Variants in NCK1 observed in about 807,000 individuals in gnomAD.
The protein encoded by NCK1 is NCK adaptor protein 1, also known as SH2/SH3 adapter protein NCK1.
In NCK1, 19 loss-of-function variants were observed where a neutral mutation model predicts 36.6. The ratio of observed to expected loss-of-function variants is 0.52; its 90% CI spans 0.36 to 0.76. NCK1 has a LOEUF of 0.76. NCK1 is among the 30% of genes least tolerant of loss of function. NCK1 has a pLI of 0.00. For synonymous variants in NCK1, 165 were observed against 156.0 expected (o/e 1.06, Z -0.43); for missense variants, 358 against 445.6 (o/e 0.80, Z 1.77).
chr3:136,927,939 A>G lies in NCK1; in HGVS notation c.-18-45A>G, dbSNP rs1024314283. ...TCTCTTTTGAAAAGCATGTGAACTA[A>G]TACTACCTCAACCTTACATAAAAAT... On this transcript the variant is annotated intron_variant, in intron 1 of 3. Transcript: ENST00000481752. 265 of 1,338,962 alleles carry G rather than the reference A, an allele frequency of 2.0e-4. 1 individual carries two copies. The highest frequency in any genetic ancestry group is 1.8e-4 in the Middle Eastern group (1 of 5,416). The allele number at this position is 1,338,962 out of a possible 1,614,324, so 82.9% of individuals were successfully genotyped here.
At chr3:136,899,552 A>G (rs1250887146) in intron 1 of NCK1, 1 of 551,922 alleles carries the variant, frequency 1.8e-6, no homozygotes, top group Admixed American at 2.5e-5. Context: ...TGGTGTTATT[A>G]GCACTATTGC....
At chr3:136,867,316 G>A (rs1938480221) in intron 1 of NCK1, 2 of 150,274 alleles carry the variant, frequency 1.3e-5, no homozygotes, top group Admixed American at 6.7e-5. Context: ...TGTTGCTCAG[G>A]CTGGAGTACA....
chr3:136,918,524 G>A (rs551871808), intron 1 of NCK1, among the ~76,000 whole-genome samples: 3 of 152,296 alleles, frequency 2.0e-5, no homozygotes, highest in South Asian at 2.1e-4. Context: ...GAGCATCTCT[G>A]GATTTTGGTA....
At chr3:136,882,547 C>CTGTGTGTGTGTGTGTGTG (rs35463509) in intron 1 of NCK1, among the ~76,000 whole-genome samples, 2 of 143,492 alleles carry the variant, frequency 1.4e-5, no homozygotes, top group Admixed American at 7.0e-5. Flanking sequence ...TCCCACATCA[C>CTGTGTGTGTGTGTGTGTG]TGTGTGTGTG....
rs1414630929 is a variant in NCK1 at position 136,946,118 on chromosome 3, A to G, written c.762A>G (p.Pro254=). 1.2e-6 allele frequency: 2 copies of G among 1,613,930 alleles called. No individual in the cohort carries two copies. The highest frequency in any genetic ancestry group is 2.2e-5 in the East Asian group (1 of 44,840). The change falls in exon 3 of 4, where the codon CCA becomes CCG. Residue 254 remains proline, a synonymous_variant. Coordinates refer to ENST00000481752, the MANE Select transcript of NCK1 (RefSeq NM_001291999.2). The part of the protein sequence containing the change: ...KNYVTVMQNN[P]LTSGLEPSPP... ...ATGTTACCGTTATGCAGAATAATCCATTAACTTCAGGTTTGGAACCATCAC... is the reference window on the plus strand; with the variant it reads ...ATGTTACCGTTATGCAGAATAATCCGTTAACTTCAGGTTTGGAACCATCAC...
At chr3:136,935,035 G>GGA (rs1940493469) in intron 2 of NCK1, among the ~76,000 whole-genome samples, 1 of 152,074 alleles carries the variant, frequency 6.6e-6, no homozygotes, top group Non-Finnish European at 1.5e-5. Context: ...CCAAGTAGCT[G>GGA]GAATTACAGG....
intron 2 of NCK1, among the ~76,000 whole-genome samples, chr3:136,934,987 C>T (rs1403137235): frequency 6.6e-6 from 1 of 152,004 alleles, no homozygotes; most frequent in Non-Finnish European, 1.5e-5. Flanking sequence ...CTGCAACCTC[C>T]GCCTCCTGGG....
chr3:136,897,534 A>G (rs183480895), intron 1 of NCK1, among the ~76,000 whole-genome samples: 112 of 152,260 alleles, frequency 7.4e-4, no homozygotes, highest in Admixed American at 7.2e-4. Context: ...TCTTTGAAAA[A>G]TATCTATTCA....
chr3:136,945,956 A>G lies in NCK1; in HGVS notation c.600A>G (p.Pro200=). Reference sequence around the variant, plus strand: ...TGCATGTGGTACAGGCTCTTTACCCATTCAGCTCATCTAATGATGAAGAAC... The same window carrying G: ...TGCATGTGGTACAGGCTCTTTACCCGTTCAGCTCATCTAATGATGAAGAAC... ...QVLHVVQALY[P]FSSSNDEELN... The change falls in exon 3 of 4, where the codon CCA becomes CCG. Residue 200 remains proline (P), a synonymous_variant. Transcript: ENST00000481752. 1.2e-6 allele frequency: 2 copies of G among 1,614,112 alleles called. No individual in the cohort carries two copies. Among genetic ancestry groups the G allele is most frequent in the Non-Finnish European group, 1.7e-6 (2 of 1,179,996 alleles).
rs1343297808 is a variant in NCK1, at chr3:136,948,556, C to G, written c.*103C>G. ...CGTGCTTGATTGGAAATTGTTGTTTCTAAATCTATATGAGAATTGACAATA... is the reference window on the plus strand; with the variant it reads ...CGTGCTTGATTGGAAATTGTTGTTTGTAAATCTATATGAGAATTGACAATA... On this transcript the variant is annotated 3_prime_UTR_variant, in exon 4 of 4. Coordinates refer to ENST00000481752, the MANE Select transcript of NCK1 (RefSeq NM_001291999.2). The G allele has an allele frequency of 1.0e-6, 1 of 995,468 alleles. No individual in the cohort carries two copies. Among genetic ancestry groups the G allele is most frequent in the Non-Finnish European group, 1.5e-6 (1 of 672,454 alleles). 61.7% of individuals were successfully genotyped at this position (995,468 alleles called of 1,614,324 possible).
In NCK1 at chr3:136,895,297, T is replaced by G. The variant is rs574615627; in HGVS notation, c.-18-32687T>G. Among the ~76,000 whole-genome samples, 8 of 152,276 alleles carry G rather than the reference T, an allele frequency of 5.3e-5. 1 individual carries two copies. In the South Asian group the frequency reaches 1.7e-3, roughly 32 times the overall value. ...ACTGATGATAGATGTGTATAAGGCT[T>G]TGGTATGTTTTTGGTTTATTTTATT... On this transcript the variant is annotated intron_variant, in intron 1 of 3. Coordinates refer to ENST00000481752, the MANE Select transcript of NCK1 (RefSeq NM_001291999.2).
At chr3:136,902,483 T>C (rs2138540) in intron 1 of NCK1, among the ~76,000 whole-genome samples, 103,767 of 152,126 alleles carry the variant, frequency 0.68, 35,686 homozygotes, top group East Asian at 0.87. Context: ...GCGCGAGCTA[T>C]CCCACCTGGC....
intron 1 of NCK1, among the ~76,000 whole-genome samples, chr3:136,884,119 G>T (rs1939014118): frequency 1.3e-5 from 2 of 152,120 alleles, no homozygotes; most frequent in African/African-American, 4.8e-5. Context: ...AATAATGAAC[G>T]AGCTATCTAG....
At position 136,920,962 on chromosome 3, in the gene NCK1, A is replaced by G. The variant is rs187803081; in HGVS notation, c.-18-7022A>G. On this transcript the variant is annotated intron_variant, in intron 1 of 3. Coordinates refer to ENST00000481752, the MANE Select transcript of NCK1 (RefSeq NM_001291999.2). Reference sequence around the variant, plus strand: ...TGAACTGAATTTTGTCCCTTCAAAAATTCACACATTGAAGTCCTAACCCCC... The same window carrying G: ...TGAACTGAATTTTGTCCCTTCAAAAGTTCACACATTGAAGTCCTAACCCCC... 1.1e-4 allele frequency among the ~76,000 whole-genome samples: 17 copies of G among 152,328 alleles called. No homozygotes were observed. In the East Asian group the frequency reaches 3.1e-3, roughly 28 times the overall value.
chr3:136,894,661 C>G (rs925412184), intron 1 of NCK1, among the ~76,000 whole-genome samples: 1 of 152,108 alleles, frequency 6.6e-6, no homozygotes, highest in African/African-American at 2.4e-5. Context: ...CAGAGACACT[C>G]AGGGCAGGAA....
chr3:136,930,802 A>G (rs1309356909), intron 2 of NCK1, among the ~76,000 whole-genome samples: 2 of 152,244 alleles, frequency 1.3e-5, no homozygotes, highest in Admixed American at 6.5e-5. Context: ...ATGTTTTAGC[A>G]TGAATGTTTA....
At chr3:136,904,257 A>T (rs112842913) in intron 1 of NCK1, among the ~76,000 whole-genome samples, 1 of 152,070 alleles carries the variant, frequency 6.6e-6, no homozygotes, top group Admixed American at 6.5e-5. Context: ...GGTTCAAGTG[A>T]TTCTTCTACT....
intron 2 of NCK1, among the ~76,000 whole-genome samples, chr3:136,929,271 A>G (rs1316456307): frequency 2.0e-5 from 3 of 152,156 alleles, no homozygotes; most frequent in Non-Finnish European, 1.5e-5. Context: ...TTATTCTAGA[A>G]TGTTCTTCTA....
chr3:136,928,403 C>T (rs1252464208), intron 2 of NCK1, 176 bp downstream of exon 2: 3 of 620,016 alleles, frequency 4.8e-6, no homozygotes, highest in Admixed American at 3.0e-5. Flanking sequence ...TAAGTGTTAA[C>T]ATGCAGTTTC....
Sources: allele counts gnomAD v4.1 joint callset (sites outside exome capture counted in the v4.1 genomes callset), GRCh38; gene constraint gnomAD v4.1.1; transcripts MANE v1.5; gene names NCBI Gene and HGNC (gene_info 2026-07-23, HGNC 2026-07-21).